The following ZNF674 variants were observed in gnomAD, a reference collection of about 807,000 sequenced individuals.
ZNF674 encodes zinc finger family member 674.
ZNF674 carries 2 observed loss-of-function variants against 7.0 expected under a neutral mutation model. The observed-to-expected ratio is 0.29, with a 90% CI of 0.12 to 0.90. The LOEUF is 0.90. Among genes scored for constraint, ZNF674 ranks in the 40% least tolerant of loss-of-function variants. The probability of loss-of-function intolerance (pLI) is 0.57; values close to 1 mark genes in which losing one functional copy is unlikely to be tolerated. For missense variants in ZNF674, 297 were observed against 415.5 expected (o/e 0.71, Z 2.48); for synonymous variants, 103 against 145.2 (o/e 0.71, Z 2.09).
At position 46,500,346 on chromosome X, in the gene ZNF674, A is replaced by G. The variant is rs769547318; in HGVS notation, c.1228T>C (p.Cys410Arg). 8.3e-7 allele frequency: 1 copy of G among 1,209,977 alleles called. No homozygotes were observed. The highest frequency in any genetic ancestry group is 1.7e-5 in the African/African-American group (1 of 57,251). ...CTGAAAGTCTTCCCACATATACTAC[A>G]TTCATAGGGTTTCTCTCCTGTATGA... ...RIHTGEKPYE[C>R]SICGKTFSGK... The change falls in exon 6 of 6, where the codon TGT becomes CGT. Residue 410 changes from cysteine (C) to arginine (R), a missense_variant. Cys to Arg is a radical substitution (Grantham distance 180). Coordinates refer to ENST00000683375, the MANE Select transcript of ZNF674 (RefSeq NM_001190417.2).
Position 46,507,185 on chromosome X carries a change from T to C in ZNF674, c.239-5850A>G, listed in dbSNP as rs145426251. ...TCTCAGTCCAGTGAGACCCCGTCTC[T>C]ATGAAAAACTTAAAAAATTAGCTGA... On this transcript the variant is annotated intron_variant, in intron 5 of 5. Transcript: ENST00000683375. 8.2e-3 allele frequency among the ~76,000 whole-genome samples: 910 copies of C among 110,820 alleles called. 10 individuals carry two copies. Among genetic ancestry groups the C allele is most frequent in the African/African-American group, 0.028 (865 of 30,474 alleles).
At chrX:46,522,515 A>C (rs181363604) in intron 5 of ZNF674, among the ~76,000 whole-genome samples, 164 of 111,093 alleles carry the variant, frequency 1.5e-3, no homozygotes, top group African/African-American at 5.0e-3. Flanking sequence ...AAAAACAAGA[A>C]TAGCTGAGCA....
intron 5 of ZNF674, among the ~76,000 whole-genome samples, chrX:46,521,112 G>A (rs1407759270): frequency 2.8e-5 from 3 of 107,160 alleles, no homozygotes; most frequent in Non-Finnish European, 3.9e-5. Flanking sequence ...GCTTGAGCCC[G>A]GGAGGTGGAG....
At chrX:46,533,248 G>A (rs1486202348) in intron 3 of ZNF674, among the ~76,000 whole-genome samples, 2 of 110,646 alleles carry the variant, frequency 1.8e-5, no homozygotes, top group Non-Finnish European at 3.8e-5. Context: ...TCCACCAACC[G>A]GTCCTATGGC....
At chrX:46,526,731 C>A (rs1321464065) in intron 5 of ZNF674, among the ~76,000 whole-genome samples, 1 of 111,717 alleles carries the variant, frequency 9.0e-6, no homozygotes, top group Non-Finnish European at 1.9e-5. Flanking sequence ...TTAACTCATT[C>A]TTTGTCATAG....
rs1303304611 is a variant in ZNF674, at chrX:46,500,670, G to C, written c.904C>G (p.Pro302Ala). 1 of 1,211,708 alleles carries C rather than the reference G, an allele frequency of 8.3e-7. No homozygotes were observed. The highest frequency in any genetic ancestry group is 2.2e-5 in the Admixed American group (1 of 46,039). The change falls in exon 6 of 6, where the codon CCA becomes GCA. Residue 302 changes from proline (P) to alanine (A), a missense_variant. Coordinates refer to ENST00000683375, the MANE Select transcript of ZNF674 (RefSeq NM_001190417.2). Reference protein sequence around the residue: ...KHQRTHTGEKPFVCDKCPKAF... With the variant: ...KHQRTHTGEKAFVCDKCPKAF... ...TTTGGACATTTGTCACATACAAATGGTTTCTCTCCTGTATGAGTTCGTTGA... is the reference window on the plus strand; with the variant it reads ...TTTGGACATTTGTCACATACAAATGCTTTCTCTCCTGTATGAGTTCGTTGA...
At chrX:46,505,117 T>A (rs973628465) in intron 5 of ZNF674, among the ~76,000 whole-genome samples, 1 of 110,201 alleles carries the variant, frequency 9.1e-6, no homozygotes, top group Non-Finnish European at 1.9e-5. Context: ...CTTGAACTCC[T>A]GACCTTGTGA....
intron 3 of ZNF674, among the ~76,000 whole-genome samples, chrX:46,540,486 T>C (rs2146619999): frequency 8.9e-6 from 1 of 112,275 alleles, no homozygotes; most frequent in African/African-American, 3.2e-5. Flanking sequence ...AACTGGTCTA[T>C]AATTTTCTTT....
At chrX:46,514,339 G>T (rs1314461360) in intron 5 of ZNF674, among the ~76,000 whole-genome samples, 2 of 111,247 alleles carry the variant, frequency 1.8e-5, no homozygotes, top group African/African-American at 6.5e-5. Context: ...GAGGCAGTCT[G>T]TGGTAGTAGA....
chrX:46,530,131 C>T (rs1049344031), intron 3 of ZNF674, among the ~76,000 whole-genome samples: 3 of 111,744 alleles, frequency 2.7e-5, no homozygotes, highest in Admixed American at 9.5e-5. Context: ...TATCCTGTAA[C>T]GCCCACACTT....
chrX:46,529,498 A>C (rs1202339527), intron 3 of ZNF674: 2 of 112,370 alleles, frequency 1.8e-5, no homozygotes, highest in South Asian at 3.7e-4. Flanking sequence ...GTAAAACCGC[A>C]TCTCTACTAA....
intron 5 of ZNF674, among the ~76,000 whole-genome samples, chrX:46,512,311 G>A (rs1477083985): frequency 3.0e-5 from 3 of 99,220 alleles, no homozygotes; most frequent in African/African-American, 3.7e-5. Flanking sequence ...GCGGTGAGCC[G>A]AGATCACGCC....
intron 2 of ZNF674, among the ~76,000 whole-genome samples, chrX:46,542,691 GACA>G (rs772271620): frequency 9.0e-6 from 1 of 111,296 alleles, no homozygotes; most frequent in African/African-American, 3.3e-5. Flanking sequence ...CAGCCTGTGT[GACA>G]ACGTCAGAGC....
chrX:46,530,269 T>C (rs750848181), intron 3 of ZNF674, among the ~76,000 whole-genome samples: 98 of 111,211 alleles, frequency 8.8e-4, no homozygotes, highest in Middle Eastern at 4.6e-3. Flanking sequence ...GACAGGCAGG[T>C]TTCTCCAGCA....
chrX:46,501,554 T>C (rs1051315393), intron 5 of ZNF674, among the ~76,000 whole-genome samples: 4 of 110,170 alleles, frequency 3.6e-5, no homozygotes, highest in Non-Finnish European at 7.6e-5. Context: ...CAGAACAGCT[T>C]GAGGATTTGA....
At position 46,498,741 on chromosome X, in the gene ZNF674, AAAG is replaced by A. The variant is rs1183456108; in HGVS notation, c.*1099_*1101del. ...CTCTACTAAAAAAAAAAAAAAAAAAAAAGAATTAGCCGGGTGTGGTGGTGGGTG... is the reference window on the plus strand; with the variant it reads ...CTCTACTAAAAAAAAAAAAAAAAAAAAATTAGCCGGGTGTGGTGGTGGGTG... On this transcript the variant is annotated 3_prime_UTR_variant, in exon 6 of 6. Transcript: ENST00000683375. The A allele has an allele frequency of 9.3e-6, 1 of 107,750 alleles. No individual in the cohort carries two copies. Among genetic ancestry groups the A allele is most frequent in the East Asian group, 2.9e-4 (1 of 3,447 alleles). The allele number at this position is 107,750 out of a possible 1,213,427, so 8.9% of individuals were successfully genotyped here.
At position 46,528,396 on chromosome X, in the gene ZNF674, G is replaced by A. The variant is rs760459210; in HGVS notation, c.192C>T (p.Asp64=). The change falls in exon 5 of 6, where the codon GAC becomes GAT. Residue 64 remains aspartate (D), a synonymous_variant. Transcript: ENST00000683375. ...TCCCTCCATCTGCCATCCAGGACTC[G>A]TCACCTGGTCCCAACCTGAAGATCA... ...PDVIFRLGPG[D]ESWMADGGTP... 4.2e-5 allele frequency: 51 copies of A among 1,209,593 alleles called. No homozygotes were observed. The highest frequency in any genetic ancestry group is 3.5e-5 in the South Asian group (2 of 56,803).
intron 5 of ZNF674, among the ~76,000 whole-genome samples, chrX:46,524,162 T>A (rs1941966409): frequency 8.9e-6 from 1 of 111,950 alleles, no homozygotes; most frequent in Admixed American, 9.6e-5. Context: ...CCTATATAAA[T>A]TTCAGAAAAC....
intron 5 of ZNF674, among the ~76,000 whole-genome samples, chrX:46,515,099 TG>T: frequency 9.0e-6 from 1 of 111,523 alleles, no homozygotes; most frequent in Middle Eastern, 4.6e-3. Flanking sequence ...CTAGGCGTGA[TG>T]GTGCATGCGT....
Sources: gnomAD v4.1 joint callset for allele counts (sites outside exome capture counted in the v4.1 genomes callset) on GRCh38, gnomAD v4.1.1 for gene constraint, MANE v1.5 for transcripts, NCBI Gene and HGNC (gene_info 2026-07-23, HGNC 2026-07-21) for gene names.